Variants in MINK1 observed in about 807,000 individuals in gnomAD.
MINK1 encodes the protein misshapen-like kinase 1.
Under a neutral mutation model 178.4 loss-of-function variants are expected in MINK1, and 46 were observed. That is an observed-to-expected ratio of 0.26 (90% confidence interval 0.20 to 0.33). MINK1 has a LOEUF of 0.33. MINK1 is among the 10% of genes least tolerant of loss of function. The pLI is 1.00. For missense variants in MINK1, 1,366 were observed against 1,814.9 expected (o/e 0.75, Z 4.49); for synonymous variants, 797 against 709.7 (o/e 1.12, Z -1.96).
At chr17:4,850,462 G>A (rs1465481088) in intron 1 of MINK1, among the ~76,000 whole-genome samples, 1 of 151,980 alleles carries the variant, frequency 6.6e-6, no homozygotes, top group Non-Finnish European at 1.5e-5. Context: ...CCTTTGGAGA[G>A]TAACCCTGTT....
intron 1 of MINK1, among the ~76,000 whole-genome samples, chr17:4,848,039 G>A (rs1379803356): frequency 2.0e-5 from 3 of 151,820 alleles, no homozygotes; most frequent in African/African-American, 7.3e-5. Context: ...AGATGGGGGA[G>A]AGAGAGGAAG....
chr17:4,865,402 C>G (rs985853601), intron 1 of MINK1, among the ~76,000 whole-genome samples: 1 of 151,830 alleles, frequency 6.6e-6, no homozygotes, highest in Non-Finnish European at 1.5e-5. Flanking sequence ...CCATTGCACT[C>G]CAGCCTGGGC....
At chr17:4,866,609 CAAA>C (rs33971421) in intron 1 of MINK1, among the ~76,000 whole-genome samples, 296 of 141,408 alleles carry the variant, frequency 2.1e-3, no homozygotes, top group African/African-American at 2.5e-3. Context: ...CTGATTCTAC[CAAA>C]AAAAAAAAAA....
chr17:4,892,290 G>C (rs375933974), intron 17 of MINK1, 56 bp downstream of exon 17: 22 of 1,507,940 alleles, frequency 1.5e-5, no homozygotes, highest in East Asian at 7.5e-5. Flanking sequence ...CTAGGGAGTA[G>C]GGGGGGCACA....
Position 4,894,374 on chromosome 17 carries a change from G to A in MINK1, c.2808+63G>A, listed in dbSNP as rs1160950558. The A allele has an allele frequency of 2.0e-5, 32 of 1,573,754 alleles. No homozygotes were observed. Among genetic ancestry groups the A allele is most frequent in the South Asian group, 3.5e-5 (3 of 85,898 alleles). ...GCCCTGGCGATGGGCAGGAGGTCCC[G>A]GTGCTGGGTAACGGCAGAGGATGGG... On this transcript the variant is annotated intron_variant, in intron 23 of 31. Transcript: ENST00000355280. This position sits in a 1 kb window ranked among gnomAD's most constrained non-coding sequence, Gnocchi z 4.1.
At position 4,857,660 on chromosome 17, in the gene MINK1, G is replaced by A. The variant is rs554452742; in HGVS notation, c.58-20657G>A. Among the ~76,000 whole-genome samples, 11 of 152,006 alleles carry A rather than the reference G, an allele frequency of 7.2e-5. 1 individual carries two copies. The South Asian group carries it at 2.3e-3, about 32-fold the overall frequency. On this transcript the variant is annotated intron_variant, in intron 1 of 31. Coordinates refer to ENST00000355280, the MANE Select transcript of MINK1 (RefSeq NM_153827.5). ...TTTTTGTATTTTTAGTAGAGATGGG[G>A]TTTCACCATGTTGCCCCGTATGGTC...
chr17:4,875,031 C>G, intron 1 of MINK1: 1 of 520,012 alleles, frequency 1.9e-6, no homozygotes, highest in Non-Finnish European at 3.8e-6. Context: ...GACCCTAGAT[C>G]CTTTTTCCTG....
chr17:4,897,060 G>A (rs1488136820), intron 31 of MINK1, 144 bp from the exon 32 acceptor site: 4 of 875,852 alleles, frequency 4.6e-6, no homozygotes, highest in Non-Finnish European at 7.2e-6. Flanking sequence ...CTTTCCTCCG[G>A]GTGAGGGGCA....
At chr17:4,865,603 G>A (rs1428322500) in intron 1 of MINK1, among the ~76,000 whole-genome samples, 1 of 151,540 alleles carries the variant, frequency 6.6e-6, no homozygotes, top group Non-Finnish European at 1.5e-5. Flanking sequence ...CATTAAAATA[G>A]GCTAGGCATG....
intron 1 of MINK1, chr17:4,854,765 A>ATCTGAGTGAATAATCATTGCTG (rs1912750665): frequency 2.0e-6 from 1 of 495,290 alleles, no homozygotes; most frequent in African/African-American, 1.9e-5. Flanking sequence ...AGCCATCGAT[A>ATCTGAGTGAATAATCATTGCTG]GACAGAGGAC....
At chr17:4,878,241 A>T in intron 1 of MINK1, 76 bp from the exon 2 acceptor site, 2 of 1,338,356 alleles carry the variant, frequency 1.5e-6, no homozygotes, top group South Asian at 2.5e-5. Flanking sequence ...TTGACTGGAT[A>T]CCACTTTACC....
chr17:4,891,883 AG>A (rs1156237667), intron 16 of MINK1, among the ~76,000 whole-genome samples, 167 bp downstream of exon 16: 1 of 152,176 alleles, frequency 6.6e-6, no homozygotes, highest in Non-Finnish European at 1.5e-5. Flanking sequence ...CGCGACGTGG[AG>A]GGGTGGCATC....
At chr17:4,882,552 T>A (rs36151797) in intron 4 of MINK1, among the ~76,000 whole-genome samples, 112,380 of 152,106 alleles carry the variant, frequency 0.74, 42,963 homozygotes, top group Non-Finnish European at 0.84. Context: ...AGAATCACTA[T>A]TTCTTAGCCC....
Position 4,894,996 on chromosome 17 carries a change from C to T in MINK1, c.2918-79C>T. 6.8e-7 allele frequency: 1 copy of T among 1,480,208 alleles called. No homozygotes were observed. 91.7% of individuals were successfully genotyped at this position (1,480,208 alleles called of 1,614,324 possible). ...TCTGCGTATTATGAGGTGCCAAGAC[C>T]TGATATAGGGGATGGAGGTAAAAAG... On this transcript the variant is annotated intron_variant, in intron 24 of 31. Coordinates refer to ENST00000355280, the MANE Select transcript of MINK1 (RefSeq NM_153827.5). The surrounding 1 kb of genome is among the most constrained non-coding windows in gnomAD (Gnocchi z 4.1).
rs1357561259 is a variant in MINK1, at chr17:4,838,119, G to A, written c.57+4479G>A. On this transcript the variant is annotated intron_variant, in intron 1 of 31. Coordinates refer to ENST00000355280, the MANE Select transcript of MINK1 (RefSeq NM_153827.5). Reference sequence around the variant, plus strand: ...GAGTGACCTCCTGCTGCAGAAGTAAGGACATTCAATAGTGACTTTTTTCCC... The same window carrying A: ...GAGTGACCTCCTGCTGCAGAAGTAAAGACATTCAATAGTGACTTTTTTCCC... 2.0e-5 allele frequency among the ~76,000 whole-genome samples: 3 copies of A among 152,202 alleles called. No individual in the cohort carries two copies. The South Asian group carries it at 6.2e-4, about 32-fold the overall frequency.
chr17:4,864,929 C>T (rs1328474077), intron 1 of MINK1, among the ~76,000 whole-genome samples: 5 of 152,170 alleles, frequency 3.3e-5, no homozygotes, highest in African/African-American at 1.2e-4. Context: ...CCTGGCTCCC[C>T]AGCCTCGGTC....
rs1968298500 is a variant in MINK1 at position 4,887,240 on chromosome 17, G to A, written c.1019+61G>A. 1 of 1,507,790 alleles carries A rather than the reference G, an allele frequency of 6.6e-7. No individual in the cohort carries two copies. The highest frequency in any genetic ancestry group is 9.0e-7 in the Non-Finnish European group (1 of 1,107,000). The allele number at this position is 1,507,790 out of a possible 1,614,324, so 93.4% of individuals were successfully genotyped here. On this transcript the variant is annotated intron_variant, in intron 11 of 31. Coordinates refer to ENST00000355280, the MANE Select transcript of MINK1 (RefSeq NM_153827.5). The surrounding 1 kb of genome is among the most constrained non-coding windows in gnomAD (Gnocchi z 7.6). ...CATCGCTGAGTGGGGGGACTACAGT[G>A]GTGCTTGGCTTTGGGGACTCTCAGC...
chr17:4,845,152 C>G (rs2150769256), intron 1 of MINK1, among the ~76,000 whole-genome samples: 1 of 152,252 alleles, frequency 6.6e-6, no homozygotes, highest in African/African-American at 2.4e-5. Flanking sequence ...TCTCAGAAGT[C>G]CATGTATCAT....
chr17:4,866,383 C>CT (rs1476352714), intron 1 of MINK1, among the ~76,000 whole-genome samples: 1 of 151,448 alleles, frequency 6.6e-6, no homozygotes, highest in East Asian at 1.9e-4. Flanking sequence ...AGGAGAATCG[C>CT]TTGAACTAGG....
Sources: allele counts gnomAD v4.1 joint callset (sites outside exome capture counted in the v4.1 genomes callset), GRCh38; gene constraint gnomAD v4.1.1; non-coding constraint Gnocchi (gnomAD v3.1); transcripts MANE v1.5; gene names NCBI Gene and HGNC (gene_info 2026-07-23, HGNC 2026-07-21).